TRPV1: variants seen among roughly 807,000 people sequenced by gnomAD.
The protein encoded by TRPV1 is transient receptor potential cation channel subfamily V member 1, also known as OTRPC1.
A neutral mutation model predicts 82.3 loss-of-function variants in TRPV1; 82 were observed. The observed-to-expected ratio is 1.00, with a 90% confidence interval of 0.83 to 1.20. The LOEUF (loss-of-function observed/expected upper bound fraction) is 1.20. Among genes scored for constraint, TRPV1 ranks in the 50% most tolerant of loss-of-function variants. The pLI is 0.00. For missense variants in TRPV1, 1,067 were observed against 1,096.8 expected (o/e 0.97, Z 0.38); for synonymous variants, 515 against 467.7 (o/e 1.10, Z -1.30).
intron 13 of TRPV1, among the ~76,000 whole-genome samples, chr17:3,574,377 G>A (rs751095677): frequency 1.3e-5 from 2 of 152,212 alleles, no homozygotes; most frequent in Non-Finnish European, 2.9e-5. Flanking sequence ...GTGGCCCAGA[G>A]CCTGAGAGCC....
intron 13 of TRPV1, among the ~76,000 whole-genome samples, chr17:3,576,848 C>CAAA (rs989451980): frequency 4.5e-3 from 174 of 38,948 alleles, no homozygotes; most frequent in Middle Eastern, 9.6e-3. Flanking sequence ...GACTCCATCT[C>CAAA]AAAAAAAAAA....
At chr17:3,604,656 G>T (rs1014305870) in intron 2 of TRPV1, among the ~76,000 whole-genome samples, 1 of 151,768 alleles carries the variant, frequency 6.6e-6, no homozygotes, top group African/African-American at 2.4e-5. Flanking sequence ...GAGAAAAGTA[G>T]AGAACATGAA....
rs2074896232 is a variant in TRPV1 at position 3,573,959 on chromosome 17, CA to C, written c.1781-5del. The C allele has an allele frequency of 6.3e-7, 1 of 1,591,578 alleles. No homozygotes were observed. Among genetic ancestry groups the C allele is most frequent in the Non-Finnish European group, 8.5e-7 (1 of 1,170,900 alleles). ...TCTTCAATCAGCGTCACCACCGCTACAGGGCACAGGGAGGGCGGGGTGCCAC... is the reference window on the plus strand; with the variant it reads ...TCTTCAATCAGCGTCACCACCGCTACGGGCACAGGGAGGGCGGGGTGCCAC... On this transcript the variant is annotated splice_region_variant and splice_polypyrimidine_tract_variant and intron_variant, in intron 13 of 16. Coordinates refer to ENST00000572705, the MANE Select transcript of TRPV1 (RefSeq NM_080704.4).
intron 2 of TRPV1, among the ~76,000 whole-genome samples, chr17:3,598,563 C>CTTT (rs57290148): frequency 5.1e-5 from 6 of 116,784 alleles, no homozygotes; most frequent in African/African-American, 1.1e-4. Flanking sequence ...CGCTTAGTCA[C>CTTT]TTTTTTTTTT....
At chr17:3,602,159 G>A (rs2075267931) in intron 2 of TRPV1, 1 of 152,230 alleles carries the variant, frequency 6.6e-6, no homozygotes. Context: ...CCTGCCGAAG[G>A]ACAGTGACAG....
chr17:3,570,944 C>T (rs890660366), intron 16 of TRPV1, among the ~76,000 whole-genome samples: 3 of 152,128 alleles, frequency 2.0e-5, no homozygotes, highest in Admixed American at 6.6e-5. Context: ...CTCAAACTCC[C>T]GGCCTCAGGT....
At chr17:3,590,906 C>CT in intron 5 of TRPV1, 58 bp downstream of exon 5, 1 of 1,434,024 alleles carries the variant, frequency 7.0e-7, no homozygotes, top group East Asian at 2.7e-5. Flanking sequence ...GACAACCATG[C>CT]CCCCCTGCTT....
chr17:3,566,954 A>G lies in TRPV1; in HGVS notation c.2381T>C (p.Val794Ala). ...SGRHWKNFAL[V>A]PLLREASARD... is the part of the protein sequence containing the mutation. ...AGCACTTGCCTCTCTTAAAAGGGGG[A>G]CCAGGGCAAAGTTCTTCCAGTGTCT... The change falls in exon 17 of 17, where the codon GTC becomes GCC. Residue 794 changes from valine (V) to alanine (A), a missense_variant. Physicochemically the swap from Val to Ala is moderately conservative, Grantham distance 64. Coordinates refer to ENST00000572705, the MANE Select transcript of TRPV1 (RefSeq NM_080704.4). The G allele has an allele frequency of 1.9e-6, 3 of 1,613,848 alleles. No homozygotes were observed. The highest frequency in any genetic ancestry group is 2.5e-6 in the Non-Finnish European group (3 of 1,179,858).
intron 16 of TRPV1, among the ~76,000 whole-genome samples, chr17:3,567,369 CAAAAA>C (rs56391405): frequency 3.8e-5 from 2 of 52,796 alleles, no homozygotes; most frequent in Non-Finnish European, 7.1e-5. Flanking sequence ...AACTCCGTCT[CAAAAA>C]AAAAAAAAAA....
At position 3,585,785 on chromosome 17, in the gene TRPV1, T is replaced by C; in HGVS notation, c.1366A>G (p.Arg456Gly). Residue 456 changes from arginine (R) to glycine (G), a missense_variant, in exon 9 of 17, where the codon AGG (arginine) becomes GGG (glycine). Arg to Gly is a moderately radical substitution (Grantham distance 125). Coordinates refer to ENST00000572705, the MANE Select transcript of TRPV1 (RefSeq NM_080704.4). ...GGCCGCACCAAGCCATCCACGGGCC[T>C]GTAGTAGGCAGCCATGGTGAAGATG... is the stretch of plus-strand genomic sequence containing the variant. ...MIIFTMAAYYRPVDGLPPFKM... is the reference protein window; with the variant it reads ...MIIFTMAAYYGPVDGLPPFKM... 1 of 1,613,084 alleles carries C rather than the reference T, an allele frequency of 6.2e-7. No individual in the cohort carries two copies. Among genetic ancestry groups the C allele is most frequent in the Non-Finnish European group, 8.5e-7 (1 of 1,179,618 alleles).
intron 10 of TRPV1, among the ~76,000 whole-genome samples, chr17:3,581,033 A>AT (rs2075003132): frequency 6.6e-6 from 1 of 150,660 alleles, no homozygotes; most frequent in Non-Finnish European, 1.5e-5. Flanking sequence ...AAAAAAAAAA[A>AT]TTACACAGTG....
rs3786033 is a variant in TRPV1 at position 3,592,801 on chromosome 17, G to A, written c.-33-418C>T. 6.2e-4 allele frequency: 110 copies of A among 176,614 alleles called. 1 individual carries two copies. The East Asian group carries it at 0.016, about 26-fold the overall frequency. The allele number at this position is 176,614 out of a possible 1,614,324, so 10.9% of individuals were successfully genotyped here. A position where few individuals can be genotyped will look rare whatever the true frequency, so the allele number is the denominator to read the frequency against. On this transcript the variant is annotated intron_variant, in intron 2 of 16. Coordinates refer to ENST00000572705, the MANE Select transcript of TRPV1 (RefSeq NM_080704.4). ...GGTGGCTGTCGTGGGCTGAATTCAGGGAGGATCTCGGTGATGAGGATGGCT... is the reference window on the plus strand; with the variant it reads ...GGTGGCTGTCGTGGGCTGAATTCAGAGAGGATCTCGGTGATGAGGATGGCT...
At chr17:3,598,277 T>C (rs1344887105) in intron 2 of TRPV1, among the ~76,000 whole-genome samples, 2 of 152,194 alleles carry the variant, frequency 1.3e-5, no homozygotes, top group Non-Finnish European at 1.5e-5. Flanking sequence ...CTGGGGTCGC[T>C]TGAAAGCTCT....
chr17:3,576,668 A>AAAAAAAAAAAAAAAT, intron 13 of TRPV1, among the ~76,000 whole-genome samples: 3 of 38,426 alleles, frequency 7.8e-5, no homozygotes, highest in Non-Finnish European at 1.6e-4. Flanking sequence ...AAAAAAAAAA[A>AAAAAAAAAAAAAAAT]ATATATATAT....
At chr17:3,572,047 C>T (rs188482206) in intron 15 of TRPV1, 75 bp downstream of exon 15, 62 of 1,558,826 alleles carry the variant, frequency 4.0e-5, no homozygotes, top group East Asian at 2.6e-4. Flanking sequence ...TCATGGAGGC[C>T]CTGAGGCAGG....
Position 3,566,205 on chromosome 17 carries a change from A to C in TRPV1, c.*610T>G, listed in dbSNP as rs2074760827. 1.3e-5 allele frequency: 2 copies of C among 148,234 alleles called. No homozygotes were observed. The highest frequency in any genetic ancestry group is 4.3e-4 in the South Asian group (2 of 4,694). The allele number at this position is 148,234 out of a possible 1,614,324, so 9.2% of individuals were successfully genotyped here. On this transcript the variant is annotated 3_prime_UTR_variant, in exon 17 of 17. Coordinates refer to ENST00000572705, the MANE Select transcript of TRPV1 (RefSeq NM_080704.4). ...AAAAAAAAAAGAATAAAATCAAAGA[A>C]AACAGCCAGGTGTGGAGGCTCACAC...
At chr17:3,595,045 G>A (rs1187008550) in intron 2 of TRPV1, among the ~76,000 whole-genome samples, 1 of 151,954 alleles carries the variant, frequency 6.6e-6, no homozygotes, top group Non-Finnish European at 1.5e-5. Context: ...CTGGGGGGCC[G>A]GGTGCTAGTC....
At position 3,573,551 on chromosome 17, in the gene TRPV1, C is replaced by CCCCCCCCCCCCCCCCCG; in HGVS notation, c.2103+81_2103+82insCGGGGGGGGGGGGGGGG. 11 of 635,234 alleles carry CCCCCCCCCCCCCCCCCG rather than the reference C, an allele frequency of 1.7e-5. 2 individuals carry two copies. Among genetic ancestry groups the CCCCCCCCCCCCCCCCCG allele is most frequent in the Non-Finnish European group, 1.9e-5 (9 of 472,010 alleles). 39.3% of individuals were successfully genotyped at this position (635,234 alleles called of 1,614,324 possible). ...CACACCGCCCCCACCACCCACCCAC[C>CCCCCCCCCCCCCCCCCG]TGCAGCCAGCTGTGTAAGACAGCAG... On this transcript the variant is annotated intron_variant, in intron 14 of 16. Coordinates refer to ENST00000572705, the MANE Select transcript of TRPV1 (RefSeq NM_080704.4).
chr17:3,590,202 C>T (rs570320579), intron 6 of TRPV1, 50 bp downstream of exon 6: 1 of 1,603,648 alleles, frequency 6.2e-7, no homozygotes, highest in African/African-American at 1.3e-5. Flanking sequence ...GCCCAAACCT[C>T]CCCTTAGCAA....
Sources: allele counts gnomAD v4.1 joint callset (sites outside exome capture counted in the v4.1 genomes callset), GRCh38; gene constraint gnomAD v4.1.1; transcripts MANE v1.5; gene names NCBI Gene and HGNC (gene_info 2026-07-23, HGNC 2026-07-21).